HCN2: variants seen among roughly 807,000 people sequenced by gnomAD.
The protein encoded by HCN2 is hyperpolarization activated cyclic nucleotide gated potassium and sodium channel 2.
Under a neutral mutation model 52.3 loss-of-function variants are expected in HCN2, and 20 were observed. The observed-to-expected ratio is 0.38, with a 90% confidence interval of 0.27 to 0.56. The LOEUF (loss-of-function observed/expected upper bound fraction) is 0.56. Among genes scored for constraint, HCN2 ranks in the 20% least tolerant of loss-of-function variants. HCN2 has a pLI of 0.71. For synonymous variants in HCN2, 694 were observed against 537.0 expected (o/e 1.29, Z -4.04); for missense variants, 981 against 1,207.7 (o/e 0.81, Z 2.78).
rs753894178 is a variant in HCN2 at position 605,017 on chromosome 19, C to T, written c.1057-44C>T. The stretch of plus-strand genomic sequence containing the variant: ...GGGGCTGGGGCTCTGAAGGTGGGGG[C>T]CGGGGGTCAGCGGGTAGGGTGGGCT... On this transcript the variant is annotated intron_variant, in intron 2 of 7. Transcript: ENST00000251287. 5 of 1,566,540 alleles carry T rather than the reference C, an allele frequency of 3.2e-6. No individual in the cohort carries two copies. The Admixed American group carries it at 5.3e-5, about 17-fold the overall frequency.
rs201299802 is a variant in HCN2 at position 610,419 on chromosome 19, C to T, written c.1584+14C>T. 3.9e-4 allele frequency: 622 copies of T among 1,609,034 alleles called. 1 individual carries two copies. Among genetic ancestry groups the T allele is most frequent in the Non-Finnish European group, 4.4e-4 (514 of 1,177,580 alleles). ...CCCCTGCGGGAGGTGAGGCGGGCGC[C>T]GGGCGGGCGGGAGGCAGCCTCCGGT... On this transcript the variant is annotated intron_variant, in intron 5 of 7. Coordinates refer to ENST00000251287, the MANE Select transcript of HCN2 (RefSeq NM_001194.4).
chr19:615,208 G>A (rs985878718), intron 7 of HCN2, among the ~76,000 whole-genome samples: 6 of 152,156 alleles, frequency 3.9e-5, no homozygotes, highest in Middle Eastern at 3.4e-3. Flanking sequence ...GTACACAGCA[G>A]GCATTAAATA....
In HCN2 at chr19:610,393, G is replaced by A. The variant is rs761793254; in HGVS notation, c.1572G>A (p.Gly524=). The stretch of plus-strand genomic sequence containing the variant: ...ACAGCATCCTGGGCGAGCTCAACGG[G>A]CCCCTGCGGGAGGTGAGGCGGGCGC... ...DEDSILGELN[G]PLREEIVNFN... Residue 524 remains glycine (G), a synonymous_variant, in exon 5 of 8, where the codon GGG becomes GGA. Coordinates refer to ENST00000251287, the MANE Select transcript of HCN2 (RefSeq NM_001194.4). 6.2e-6 allele frequency: 10 copies of A among 1,613,290 alleles called. No homozygotes were observed. Among genetic ancestry groups the A allele is most frequent in the Non-Finnish European group, 8.5e-6 (10 of 1,179,604 alleles).
In HCN2 at chr19:591,794, G is replaced by A. The variant is rs1245298727; in HGVS notation, c.632+1217G>A. ...CCCTGGACCCCCGGAACTGGGCAGG[G>A]AGGCTGTGGGGTTCTCTCTTCCCCT... On this transcript the variant is annotated intron_variant, in intron 1 of 7. Transcript: ENST00000251287. The surrounding 1 kb of genome is among the most constrained non-coding windows in gnomAD (Gnocchi z 4.1). Among the ~76,000 whole-genome samples, 1 of 152,168 alleles carries A rather than the reference G, an allele frequency of 6.6e-6. No individual in the cohort carries two copies. The highest frequency in any genetic ancestry group is 6.5e-5 in the Admixed American group (1 of 15,286).
chr19:596,154 G>A (rs547740089), intron 1 of HCN2, among the ~76,000 whole-genome samples: 50 of 152,350 alleles, frequency 3.3e-4, no homozygotes, highest in African/African-American at 8.7e-4. Context: ...GACCTGCGTC[G>A]GCTTTGGGAA....
Position 613,835 on chromosome 19 carries a change from CT to C in HCN2, c.1826-16del, listed in dbSNP as rs1568368998. On this transcript the variant is annotated splice_polypyrimidine_tract_variant and intron_variant, in intron 6 of 7. Coordinates refer to ENST00000251287, the MANE Select transcript of HCN2 (RefSeq NM_001194.4). ...GCCCGCCTCGTCCAGCAACCCCCCCCTGCGCGCCACGTGCAGAGATCTGCCT... is the reference window on the plus strand; with the variant it reads ...GCCCGCCTCGTCCAGCAACCCCCCCCGCGCGCCACGTGCAGAGATCTGCCT... The C allele has an allele frequency of 3.9e-6, 6 of 1,533,302 alleles. No homozygotes were observed. The highest frequency in any genetic ancestry group is 2.1e-5 in the Admixed American group (1 of 47,456). 95.0% of individuals were successfully genotyped at this position (1,533,302 alleles called of 1,614,324 possible).
intron 1 of HCN2, among the ~76,000 whole-genome samples, chr19:593,842 A>C (rs893654827): frequency 2.0e-5 from 3 of 152,172 alleles, no homozygotes; most frequent in Non-Finnish European, 4.4e-5. Flanking sequence ...TTGGTGCCTG[A>C]ATTGGAACAG....
At chr19:607,590 C>G (rs985719848) in intron 3 of HCN2, among the ~76,000 whole-genome samples, 22 of 152,236 alleles carry the variant, frequency 1.4e-4, no homozygotes, top group Non-Finnish European at 4.4e-5. Flanking sequence ...CTGGGCCGGC[C>G]TGGTGTCTCT....
At chr19:613,520 AG>A in intron 6 of HCN2, 32 bp downstream of exon 6, 1 of 328,400 alleles carries the variant, frequency 3.0e-6, no homozygotes, top group Non-Finnish European at 5.4e-6. Context: ...CTGGAGGGGG[AG>A]GGGGCACGCG....
chr19:604,021 CA>C (rs1983310197), intron 2 of HCN2, 54 bp downstream of exon 2: 3 of 1,182,926 alleles, frequency 2.5e-6, no homozygotes, highest in Admixed American at 2.5e-5. Context: ...TATAATGGTG[CA>C]TGGGCGGGGC....
At chr19:596,150 C>T (rs1183828192) in intron 1 of HCN2, among the ~76,000 whole-genome samples, 2 of 152,238 alleles carry the variant, frequency 1.3e-5, no homozygotes, top group Non-Finnish European at 2.9e-5. Context: ...CGGGGACCTG[C>T]GTCGGCTTTG....
rs1404179904 is a variant in HCN2, at chr19:590,341, G to C, written c.396G>C (p.Ser132=). Residue 132 remains serine (S), a synonymous_variant, in exon 1 of 8, where the codon TCG becomes TCC. Coordinates refer to ENST00000251287, the MANE Select transcript of HCN2 (RefSeq NM_001194.4). The surrounding 1 kb of genome is among the most constrained non-coding windows in gnomAD (Gnocchi z 7.2). ...KVSFSCRGAA[S]GPAPGPGPAE... ...CGTTCTCGTGCCGCGGGGCGGCCTC[G>C]GGGCCCGCGCCGGGGCCGGGGCCGG... The C allele has an allele frequency of 1.9e-6, 2 of 1,067,078 alleles. No homozygotes were observed. The highest frequency in any genetic ancestry group is 2.3e-6 in the Non-Finnish European group (2 of 885,032). The allele number at this position is 1,067,078 out of a possible 1,614,324, so 66.1% of individuals were successfully genotyped here.
rs1273728831 is a variant in HCN2, at chr19:602,874, C to T, written c.633-670C>T. On this transcript the variant is annotated intron_variant, in intron 1 of 7. Transcript: ENST00000251287. ...CAGCGCAGTGGGCGTTGGGCTCCCT[C>T]GGGGCTGGGTGGCCTTCCTGGGGTG... is the stretch of plus-strand genomic sequence containing the variant. Among the ~76,000 whole-genome samples, 4 of 150,308 alleles carry T rather than the reference C, an allele frequency of 2.7e-5. No individual in the cohort carries two copies. In the East Asian group the frequency reaches 5.9e-4, roughly 22 times the overall value.
At chr19:615,643 A>C (rs533766703) in intron 7 of HCN2, 152 bp from the exon 8 acceptor site, 64 of 688,602 alleles carry the variant, frequency 9.3e-5, no homozygotes, top group Non-Finnish European at 1.5e-4. Context: ...GAGATGCTAC[A>C]TATGTGCTTA....
intron 3 of HCN2, among the ~76,000 whole-genome samples, chr19:607,159 G>A (rs907965476): frequency 3.9e-5 from 6 of 152,244 alleles, no homozygotes; most frequent in Non-Finnish European, 7.3e-5. Context: ...CGACAAGAGC[G>A]AAACTCCGTC....
chr19:598,103 G>A (rs1440578120), intron 1 of HCN2, among the ~76,000 whole-genome samples: 1 of 152,224 alleles, frequency 6.6e-6, no homozygotes, highest in Admixed American at 6.5e-5. Context: ...GGGGGCCAGC[G>A]GCAGGCGGGT....
At chr19:613,559 C>T in intron 6 of HCN2, 71 bp downstream of exon 6, 2 of 522,206 alleles carry the variant, frequency 3.8e-6, no homozygotes, top group Admixed American at 4.2e-5. Context: ...AGCCAGGGGG[C>T]CGGGGCCGGG....
Position 617,095 on chromosome 19 carries a change from GC to G in HCN2, c.*627del, listed in dbSNP as rs113095786. Reference sequence around the variant, plus strand: ...CCGAGGCAGCAGTGCCCCCACCGTGGCCCCCCACGCCCCATTAACCCCCACA... The same window carrying G: ...CCGAGGCAGCAGTGCCCCCACCGTGGCCCCCACGCCCCATTAACCCCCACA... On this transcript the variant is annotated 3_prime_UTR_variant, in exon 8 of 8. Coordinates refer to ENST00000251287, the MANE Select transcript of HCN2 (RefSeq NM_001194.4). 1,877 of 513,422 alleles carry G rather than the reference GC, an allele frequency of 3.7e-3. 35 individuals are homozygous for G. The highest frequency in any genetic ancestry group is 0.034 in the African/African-American group (1,742 of 51,234). 31.8% of individuals were successfully genotyped at this position (513,422 alleles called of 1,614,324 possible).
rs1013018256 is a variant in HCN2 at position 616,890 on chromosome 19, C to A, written c.*416C>A. 16 of 289,072 alleles carry A rather than the reference C, an allele frequency of 5.5e-5. No homozygotes were observed. Among genetic ancestry groups the A allele is most frequent in the Admixed American group, 3.5e-4 (7 of 19,776 alleles). 17.9% of individuals were successfully genotyped at this position (289,072 alleles called of 1,614,324 possible). ...GTGCAATACTTGGCCCGCCGGCTTC[C>A]CGCTGCCCCCATCGCGCTCACGCAA... On this transcript the variant is annotated 3_prime_UTR_variant, in exon 8 of 8. Transcript: ENST00000251287.
Sources: allele counts gnomAD v4.1 joint callset (sites outside exome capture counted in the v4.1 genomes callset), GRCh38; gene constraint gnomAD v4.1.1; non-coding constraint Gnocchi (gnomAD v3.1); transcripts MANE v1.5; gene names NCBI Gene and HGNC (gene_info 2026-07-23, HGNC 2026-07-21).